YEATS4: variants seen among roughly 807,000 people sequenced by gnomAD.
YEATS4 encodes YEATS domain-containing protein 4.
Under a neutral mutation model 30.1 loss-of-function variants are expected in YEATS4, and 17 were observed. The observed-to-expected ratio is 0.56, with a 90% CI of 0.39 to 0.85. YEATS4 has a LOEUF of 0.85. Among genes scored for constraint, YEATS4 ranks in the 40% least tolerant of loss-of-function variants. The pLI is 0.00. For synonymous variants in YEATS4, 85 were observed against 87.5 expected (o/e 0.97, Z 0.16); for missense variants, 142 against 268.3 (o/e 0.53, Z 3.29).
At chr12:69,423,187 A>G in the YEATS4 span, among the ~76,000 whole-genome samples, 20 of 152,188 alleles carry the variant, frequency 1.3e-4, no homozygotes, top group African/African-American at 4.6e-4. Context: ...GCAACAAATC[A>G]AACCAATAAA....
At chr12:69,408,122 T>TA in the YEATS4 span, among the ~76,000 whole-genome samples, 1 of 152,138 alleles carries the variant, frequency 6.6e-6, no homozygotes, top group South Asian at 2.1e-4. Flanking sequence ...AAGAGTGTCT[T>TA]ATGTGGAGAG....
At chr12:69,408,503 CATGT>C in the YEATS4 span, among the ~76,000 whole-genome samples, 245 of 152,286 alleles carry the variant, frequency 1.6e-3, 1 homozygote, top group Middle Eastern at 0.014. Context: ...TGTGTGCATG[CATGT>C]GTTTGAAGTT....
chr12:69,417,790 G>A, the YEATS4 span, among the ~76,000 whole-genome samples: 545 of 143,214 alleles, frequency 3.8e-3, no homozygotes, highest in Admixed American at 5.9e-3. Context: ...GCAGCACTTC[G>A]TTTAACGCTG....
At chr12:69,398,614 A>T in the YEATS4 span, among the ~76,000 whole-genome samples, 195 of 151,656 alleles carry the variant, frequency 1.3e-3, 1 homozygote, top group South Asian at 2.7e-3. Flanking sequence ...GGAGTTCAAG[A>T]CCAGCCTGGG....
chr12:69,378,336 G>A (rs181647774), intron 6 of YEATS4, among the ~76,000 whole-genome samples: 1 of 152,106 alleles, frequency 6.6e-6, no homozygotes, highest in Non-Finnish European at 1.5e-5. Flanking sequence ...TCTTTTGATT[G>A]GAGACTTTAG....
downstream of YEATS4, among the ~76,000 whole-genome samples, chr12:69,395,495 T>C (rs1048252033): frequency 1.3e-5 from 2 of 152,126 alleles, no homozygotes; most frequent in Non-Finnish European, 2.9e-5. Context: ...ATAAGTAATA[T>C]GTTAGTAAGC....
At chr12:69,419,014 CATATATATAT>C in the YEATS4 span, among the ~76,000 whole-genome samples, 1 of 143,372 alleles carries the variant, frequency 7.0e-6, no homozygotes, top group Non-Finnish European at 1.5e-5. Context: ...TAATTTAAGC[CATATATATAT>C]ATATATATAT....
At chr12:69,364,229 G>A (rs1248144219) in intron 2 of YEATS4, 1 of 441,900 alleles carries the variant, frequency 2.3e-6, no homozygotes, top group African/African-American at 2.0e-5. Flanking sequence ...CAAGCGGGAG[G>A]ATCGCTTGAG....
intron 6 of YEATS4, among the ~76,000 whole-genome samples, chr12:69,383,566 C>A (rs1876161534): frequency 6.6e-6 from 1 of 152,138 alleles, no homozygotes. Flanking sequence ...GGGAGAAAAA[C>A]TAGGTGCATG....
intron 6 of YEATS4, among the ~76,000 whole-genome samples, chr12:69,372,787 C>T (rs1875698229): frequency 6.6e-6 from 1 of 152,150 alleles, no homozygotes; most frequent in Non-Finnish European, 1.5e-5. Flanking sequence ...ATCCACCCAC[C>T]TTGGCCTCCC....
the YEATS4 span, among the ~76,000 whole-genome samples, chr12:69,419,772 A>G: frequency 6.6e-6 from 1 of 152,242 alleles, no homozygotes; most frequent in African/African-American, 2.4e-5. Context: ...CCTGGGCATA[A>G]ATACAATGCA....
the YEATS4 span, among the ~76,000 whole-genome samples, chr12:69,396,281 C>G: frequency 6.6e-6 from 1 of 152,202 alleles, no homozygotes; most frequent in Admixed American, 6.5e-5. Flanking sequence ...GGGAGCTAAT[C>G]ATCTAACTTA....
chr12:69,361,742 A>AT (rs1434916745), intron 1 of YEATS4, among the ~76,000 whole-genome samples: 3 of 152,184 alleles, frequency 2.0e-5, no homozygotes, highest in African/African-American at 7.2e-5. Flanking sequence ...TTCAATTGAA[A>AT]TTTTTTATCT....
chr12:69,400,444 ATG>A, the YEATS4 span, among the ~76,000 whole-genome samples: 1,465 of 151,748 alleles, frequency 9.7e-3, 18 homozygotes, highest in African/African-American at 0.028. Context: ...ATATATATAT[ATG>A]TATATCTCCT....
At chr12:69,382,083 C>T (rs534931734) in intron 6 of YEATS4, among the ~76,000 whole-genome samples, 1 of 152,248 alleles carries the variant, frequency 6.6e-6, no homozygotes, top group Admixed American at 6.5e-5. Context: ...AATTATCTTC[C>T]CTACCCAGAA....
At chr12:69,393,286 CCAAA>C (rs941713766), downstream of YEATS4, among the ~76,000 whole-genome samples, 15 of 152,040 alleles carry the variant, frequency 9.9e-5, no homozygotes, top group East Asian at 9.7e-4. Flanking sequence ...ACAAAAAAAA[CCAAA>C]CAAACAAAAG....
At chr12:69,420,805 C>G in the YEATS4 span, among the ~76,000 whole-genome samples, 1 of 152,216 alleles carries the variant, frequency 6.6e-6, no homozygotes, top group Non-Finnish European at 1.5e-5. Flanking sequence ...CCCTTCCCTT[C>G]CATCCCCGGC....
At chr12:69,399,305 A>C in the YEATS4 span, among the ~76,000 whole-genome samples, 1,864 of 152,330 alleles carry the variant, frequency 0.012, 22 homozygotes, top group African/African-American at 0.029. Flanking sequence ...AAGAACTCTT[A>C]CAACTCAACA....
At chr12:69,362,348 G>GAA (rs11381456) in intron 1 of YEATS4, among the ~76,000 whole-genome samples, 5 of 151,904 alleles carry the variant, frequency 3.3e-5, no homozygotes. Flanking sequence ...GTAAAAAAGT[G>GAA]AAAAATGTTT....
Sources: gnomAD v4.1 joint callset for allele counts (sites outside exome capture counted in the v4.1 genomes callset) on GRCh38, gnomAD v4.1.1 for gene constraint, MANE v1.5 for transcripts, NCBI Gene and HGNC (gene_info 2026-07-23, HGNC 2026-07-21) for gene names.